SCD5: variants seen among roughly 807,000 people sequenced by gnomAD.
SCD5 encodes acyl-CoA-desaturase 4.
In SCD5, 20 loss-of-function variants were observed where a neutral mutation model predicts 30.4. The ratio of observed to expected loss-of-function variants is 0.66; its 90% confidence interval spans 0.46 to 0.96. The LOEUF (loss-of-function observed/expected upper bound fraction) is 0.96. SCD5 is among the 40% of genes least tolerant of loss of function. The pLI, the probability that SCD5 is intolerant of heterozygous loss-of-function variation, is 0.00. For missense variants in SCD5, 381 were observed against 443.3 expected, an observed-to-expected ratio of 0.86 and a Z score of 1.26; for synonymous variants, 173 against 176.4, an observed-to-expected ratio of 0.98 and a Z score of 0.16.
intron 1 of SCD5, among the ~76,000 whole-genome samples, chr4:82,796,089 T>C (rs1722209594): frequency 6.6e-6 from 1 of 151,430 alleles, no homozygotes; most frequent in South Asian, 2.1e-4. Flanking sequence ...GCTAACACGG[T>C]GAAACCCCAT....
intron 4 of SCD5, among the ~76,000 whole-genome samples, chr4:82,634,635 G>C (rs1310329157): frequency 6.6e-6 from 1 of 152,204 alleles, no homozygotes; most frequent in Non-Finnish European, 1.5e-5. Context: ...ACTTTTGGGA[G>C]GCAAACTGTC....
chr4:82,709,179 C>G (rs187595176), intron 1 of SCD5, among the ~76,000 whole-genome samples: 9 of 152,186 alleles, frequency 5.9e-5, no homozygotes, highest in South Asian at 4.1e-4. Flanking sequence ...GTCCTTTTAG[C>G]CAGCTCAAAA....
intron 3 of SCD5, among the ~76,000 whole-genome samples, chr4:82,658,304 AG>A (rs1727907987): frequency 6.6e-6 from 1 of 152,164 alleles, no homozygotes. Context: ...TTTAGCATGA[AG>A]GGGTGTTGAA....
At chr4:82,786,528 AG>A (rs1402458936) in intron 1 of SCD5, among the ~76,000 whole-genome samples, 2 of 152,160 alleles carry the variant, frequency 1.3e-5, no homozygotes, top group Non-Finnish European at 2.9e-5. Context: ...GGCCAGGCGC[AG>A]TGGCTCATGC....
chr4:82,669,386 A>G (rs116679699), intron 3 of SCD5, among the ~76,000 whole-genome samples: 7,950 of 152,274 alleles, frequency 0.052, 255 homozygotes, highest in South Asian at 0.15. Context: ...CATTCTAACA[A>G]GAAGTAAAAT....
chr4:82,658,457 G>A (rs1048851881), intron 3 of SCD5, among the ~76,000 whole-genome samples: 7 of 142,478 alleles, frequency 4.9e-5, no homozygotes, highest in African/African-American at 1.8e-4. Flanking sequence ...ACTTGATTGT[G>A]GTGGATAAGC....
intron 1 of SCD5, among the ~76,000 whole-genome samples, chr4:82,706,504 G>A (rs1304799739): frequency 6.6e-6 from 1 of 152,268 alleles, no homozygotes; most frequent in Non-Finnish European, 1.5e-5. Context: ...AGTAGTGGCT[G>A]TCGGTTTCCC....
At chr4:82,721,885 C>T (rs1370907005) in intron 1 of SCD5, among the ~76,000 whole-genome samples, 4 of 152,200 alleles carry the variant, frequency 2.6e-5, no homozygotes, top group Non-Finnish European at 5.9e-5. Flanking sequence ...AAATTGCTTC[C>T]TAACTGCAAA....
At chr4:82,694,266 C>T (rs1470360709) in intron 2 of SCD5, among the ~76,000 whole-genome samples, 1 of 152,204 alleles carries the variant, frequency 6.6e-6, no homozygotes, top group African/African-American at 2.4e-5. Flanking sequence ...TGTGCTGACT[C>T]CAGGCCCTGG....
At chr4:82,646,538 A>C (rs1275208365) in intron 3 of SCD5, among the ~76,000 whole-genome samples, 38 of 152,196 alleles carry the variant, frequency 2.5e-4, no homozygotes, top group Admixed American at 2.5e-3. Context: ...AAGTGAAAGC[A>C]CTTAGGATTG....
At chr4:82,685,205 T>C (rs28664932) in intron 2 of SCD5, among the ~76,000 whole-genome samples, 4,390 of 152,192 alleles carry the variant, frequency 0.029, 245 homozygotes, top group African/African-American at 0.1. Flanking sequence ...CACAGGTAGG[T>C]GGGCGAGCGA....
At chr4:82,635,619 TAAAAAAAAA>T (rs3972726) in intron 4 of SCD5, among the ~76,000 whole-genome samples, 2 of 114,498 alleles carry the variant, frequency 1.7e-5, no homozygotes, top group Non-Finnish European at 3.4e-5. Flanking sequence ...GACTCCGTCT[TAAAAAAAAA>T]AAAAAAAAAG....
intron 1 of SCD5, among the ~76,000 whole-genome samples, chr4:82,725,488 G>A (rs1267354918): frequency 2.0e-5 from 3 of 152,184 alleles, no homozygotes; most frequent in Non-Finnish European, 4.4e-5. Context: ...TGGGTAGCAT[G>A]AGTGTACTTT....
chr4:82,645,720 C>T (rs1034206941), intron 3 of SCD5, among the ~76,000 whole-genome samples: 46 of 152,170 alleles, frequency 3.0e-4, no homozygotes, highest in African/African-American at 1.1e-3. Flanking sequence ...AACACAAATC[C>T]AGATATGGGT....
chr4:82,680,747 T>C lies in SCD5; in HGVS notation c.529A>G (p.Thr177Ala), dbSNP rs750295199. 1 of 1,614,020 alleles carries C rather than the reference T, an allele frequency of 6.2e-7. No homozygotes were observed. Residue 177 changes from threonine (T) to alanine (A), a missense_variant, in exon 3 of 5, where the codon ACT (threonine) becomes GCT (alanine). By Grantham distance (58) the Thr-to-Ala change is moderately conservative (BLOSUM62 0). Transcript: ENST00000319540. ...VIEKGRKLDV[T>A]DLLADPVVRI... Reference sequence around the variant, plus strand: ...ACCACAGGATCAGCAAGCAGGTCAGTGACGTCAAGCTTTCTCCCCTTCTCA... The same window carrying C: ...ACCACAGGATCAGCAAGCAGGTCAGCGACGTCAAGCTTTCTCCCCTTCTCA...
chr4:82,746,798 G>A (rs1376559563), intron 1 of SCD5, among the ~76,000 whole-genome samples: 1 of 152,022 alleles, frequency 6.6e-6, no homozygotes, highest in African/African-American at 2.4e-5. Flanking sequence ...CCTGGCAAGG[G>A]CTCCACCCTT....
chr4:82,779,238 C>T (rs1032974887), intron 1 of SCD5, among the ~76,000 whole-genome samples: 2 of 151,726 alleles, frequency 1.3e-5, no homozygotes, highest in African/African-American at 2.4e-5. Flanking sequence ...AATGAGAGTC[C>T]TTACAAGTGG....
chr4:82,651,246 T>C (rs575856207), intron 3 of SCD5, among the ~76,000 whole-genome samples: 13 of 152,208 alleles, frequency 8.5e-5, no homozygotes, highest in Non-Finnish European at 1.5e-4. Context: ...CCTTAGCTTC[T>C]TAAAGGTGAG....
intron 1 of SCD5, among the ~76,000 whole-genome samples, chr4:82,764,736 T>C (rs1487442013): frequency 1.3e-5 from 2 of 151,752 alleles, no homozygotes; most frequent in African/African-American, 4.8e-5. Flanking sequence ...CTTTCTTTTT[T>C]TTTTTTTGAG....
Sources: allele counts gnomAD v4.1 joint callset (sites outside exome capture counted in the v4.1 genomes callset), GRCh38; gene constraint gnomAD v4.1.1; transcripts MANE v1.5; gene names NCBI Gene and HGNC (gene_info 2026-07-23, HGNC 2026-07-21).